The following CCDC40 variants were observed in gnomAD, a reference collection of about 807,000 sequenced individuals.
CCDC40 encodes coiled-coil domain 40 molecular ruler complex subunit.
In CCDC40, 104 loss-of-function variants were observed where a neutral mutation model predicts 124.5. That is an observed-to-expected ratio of 0.84 (90% CI 0.71 to 0.98). CCDC40 has a LOEUF of 0.98. Among genes scored for constraint, CCDC40 ranks in the 50% least tolerant of loss-of-function variants. CCDC40 has a pLI of 0.00. For synonymous variants in CCDC40, 580 were observed against 602.9 expected (o/e 0.96, Z 0.56); for missense variants, 1,463 against 1,503.9 (o/e 0.97, Z 0.45).
At chr17:80,039,774 C>G (rs764813419) in intron 2 of CCDC40, 38 bp from the exon 3 acceptor site, 20 of 1,608,566 alleles carry the variant, frequency 1.2e-5, no homozygotes, top group Non-Finnish European at 1.7e-5. Flanking sequence ...GTCCTTTATA[C>G]TTTGTTTCCT....
chr17:80,099,740 A>G lies in CCDC40; in HGVS notation c.3394A>G (p.Ile1132Val), dbSNP rs569135890. Reference sequence around the variant, plus strand: ...GGCCCTGCACAAGGTCAGCCAGATGATCGCCAACAAGCTCGAGTCACCAGG... The same window carrying G: ...GGCCCTGCACAAGGTCAGCCAGATGGTCGCCAACAAGCTCGAGTCACCAGG... Reference protein sequence around the residue: ...QEALHKVSQMIANKLESPGPS With the variant: ...QEALHKVSQMVANKLESPGPS Residue 1132 changes from isoleucine (I) to valine (V), a missense_variant, in exon 20 of 20, where the codon ATC (isoleucine) becomes GTC (valine). By Grantham distance (29) the Ile-to-Val change is conservative. Coordinates refer to ENST00000397545, the MANE Select transcript of CCDC40 (RefSeq NM_017950.4). The G allele has an allele frequency of 1.5e-5, 24 of 1,613,580 alleles. No individual in the cohort carries two copies. In the East Asian group the frequency reaches 5.3e-4, roughly 36 times the overall value.
chr17:80,046,937 C>G (rs2037434759), intron 3 of CCDC40, among the ~76,000 whole-genome samples: 1 of 152,150 alleles, frequency 6.6e-6, no homozygotes. Flanking sequence ...CCTCTGCCTC[C>G]CGGGTTCAAG....
intron 11 of CCDC40, 41 bp downstream of exon 11, chr17:80,081,830 G>A: frequency 6.2e-7 from 1 of 1,613,928 alleles, no homozygotes; most frequent in Non-Finnish European, 8.5e-7. Flanking sequence ...CTGGCGCACG[G>A]TGGTGCCTCT....
chr17:80,084,309 A>T (rs564646147), intron 12 of CCDC40, among the ~76,000 whole-genome samples: 36 of 152,256 alleles, frequency 2.4e-4, no homozygotes, highest in Non-Finnish European at 4.7e-4. Flanking sequence ...CAGGAGAGAG[A>T]GTGTGTGTGA....
At chr17:80,047,426 C>A in intron 4 of CCDC40, 24 bp downstream of exon 4, 1 of 1,605,270 alleles carries the variant, frequency 6.2e-7, no homozygotes, top group Non-Finnish European at 8.5e-7. Context: ...GCTGAGGTCA[C>A]CCTGCCCTGG....
intron 10 of CCDC40, among the ~76,000 whole-genome samples, chr17:80,071,830 GC>G (rs2038194884): frequency 9.8e-6 from 1 of 102,220 alleles, no homozygotes; most frequent in Non-Finnish European, 2.0e-5. Flanking sequence ...GGGTTTTTCA[GC>G]TTTTTTTTTT....
At position 80,068,970 on chromosome 17, in the gene CCDC40, T is replaced by G. The variant is rs9890169; in HGVS notation, c.1562+3364T>G. ...GCCCCGGCCCTGTCTGCTTCCTGCTTCTTCCCCGAAGTTCATGGCCTGTCC... is the reference window on the plus strand; with the variant it reads ...GCCCCGGCCCTGTCTGCTTCCTGCTGCTTCCCCGAAGTTCATGGCCTGTCC... On this transcript the variant is annotated intron_variant, in intron 10 of 19. Transcript: ENST00000397545. 4.2e-3 allele frequency among the ~76,000 whole-genome samples: 645 copies of G among 152,316 alleles called. 7 individuals are homozygous for G. The highest frequency in any genetic ancestry group is 0.015 in the African/African-American group (626 of 41,578).
rs1326886577 is a variant in CCDC40 at position 80,056,010 on chromosome 17, A to ATT, written c.1160-2483_1160-2482insTT. On this transcript the variant is annotated intron_variant, in intron 7 of 19. Transcript: ENST00000397545. ...TATATATATATATATATATATATAT[A>ATT]TATATATTTTTTTTTTTTTTTGGTA... Among the ~76,000 whole-genome samples, 129 of 13,776 alleles carry ATT rather than the reference A, an allele frequency of 9.4e-3. 8 individuals are homozygous for ATT. Among genetic ancestry groups the ATT allele is most frequent in the African/African-American group, 0.033 (117 of 3,496 alleles). The allele number at this position is 13,776 out of a possible 152,430, so 9.0% of individuals were successfully genotyped here.
rs764448400 is a variant in CCDC40, at chr17:80,081,639, G to T, written c.1656G>T (p.Ala552=). ...AGGAAGAAAAGAACGAGAAGCTGGCGAGCATCCTGAACCGGACAGAGACGG... is the reference window on the plus strand; with the variant it reads ...AGGAAGAAAAGAACGAGAAGCTGGCTAGCATCCTGAACCGGACAGAGACGG... ...MKEEEKNEKL[A]SILNRTETEA... Residue 552 remains alanine, a synonymous_variant, in exon 11 of 20, where the codon GCG becomes GCT. Coordinates refer to ENST00000397545, the MANE Select transcript of CCDC40 (RefSeq NM_017950.4). The T allele has an allele frequency of 6.2e-7, 1 of 1,614,040 alleles. No individual in the cohort carries two copies. The highest frequency in any genetic ancestry group is 1.3e-5 in the African/African-American group (1 of 74,924).
chr17:80,090,336 TGCACGAACAAGGGACGCGCGCAGGCA>T, intron 17 of CCDC40: 1 of 651,220 alleles, frequency 1.5e-6, no homozygotes, highest in Non-Finnish European at 2.3e-6. Context: ...CGCAGGCACG[TGCACGAACAAGGGACGCGCGCAGGCA>T]CGTGCACGAA....
At chr17:80,054,974 CAA>C (rs11323639) in intron 7 of CCDC40, among the ~76,000 whole-genome samples, 12 of 135,190 alleles carry the variant, frequency 8.9e-5, no homozygotes, top group Middle Eastern at 3.8e-3. Flanking sequence ...GACACTGTCT[CAA>C]AAAAAAAAAA....
intron 10 of CCDC40, among the ~76,000 whole-genome samples, chr17:80,073,286 G>A (rs758061201): frequency 1.3e-5 from 2 of 152,022 alleles, no homozygotes; most frequent in Non-Finnish European, 2.9e-5. Context: ...TACAGGAATC[G>A]CATTTTTTAC....
intron 9 of CCDC40, among the ~76,000 whole-genome samples, chr17:80,059,914 G>C (rs1234353465): frequency 1.3e-5 from 2 of 152,130 alleles, no homozygotes; most frequent in African/African-American, 4.8e-5. Context: ...TGGGCTCCCA[G>C]GGTAAAGGGA....
intron 1 of CCDC40, among the ~76,000 whole-genome samples, chr17:80,036,979 C>A (rs1022123068): frequency 6.6e-6 from 1 of 152,186 alleles, no homozygotes; most frequent in African/African-American, 2.4e-5. Flanking sequence ...AAACCCGGGA[C>A]CGCTCACTCT....
intron 4 of CCDC40, among the ~76,000 whole-genome samples, chr17:80,047,998 C>T (rs1363290297): frequency 2.6e-5 from 4 of 152,310 alleles, no homozygotes; most frequent in East Asian, 1.9e-4. Context: ...AAGCCGGGCG[C>T]GGTGGCTCAC....
At chr17:80,036,818 G>A in intron 1 of CCDC40, 127 bp downstream of exon 1, 1 of 874,568 alleles carries the variant, frequency 1.1e-6, no homozygotes, top group Non-Finnish European at 1.6e-6. Context: ...CCTCTCGCCT[G>A]TGTCCCTTCT....
chr17:80,050,302 C>T lies in CCDC40; in HGVS notation c.1159+19C>T, dbSNP rs1411728793. The T allele has an allele frequency of 1.9e-6, 3 of 1,542,386 alleles. No homozygotes were observed. The highest frequency in any genetic ancestry group is 2.4e-5 in the South Asian group (2 of 84,040). The stretch of plus-strand genomic sequence containing the variant: ...AAAAAGTGTAAGGCAACCCGGCAGC[C>T]CCACACGCCATCCGGTCCTGGAGGG... On this transcript the variant is annotated intron_variant, in intron 7 of 19. Transcript: ENST00000397545.
chr17:80,096,077 C>T (rs556713965), intron 18 of CCDC40, among the ~76,000 whole-genome samples: 31 of 152,348 alleles, frequency 2.0e-4, no homozygotes, highest in East Asian at 7.7e-4. Context: ...CCCGCTGACC[C>T]GCTGTGTGAC....
chr17:80,070,866 C>T (rs1460855386), intron 10 of CCDC40, among the ~76,000 whole-genome samples: 1 of 152,176 alleles, frequency 6.6e-6, no homozygotes, highest in East Asian at 1.9e-4. Context: ...TTCTTCCCAC[C>T]AGGGAATGAC....
Sources: gnomAD v4.1 joint callset for allele counts (sites outside exome capture counted in the v4.1 genomes callset) on GRCh38, gnomAD v4.1.1 for gene constraint, MANE v1.5 for transcripts, NCBI Gene and HGNC (gene_info 2026-07-23, HGNC 2026-07-21) for gene names.